The following XPO5 variants were observed in gnomAD, a reference collection of about 807,000 sequenced individuals.
XPO5 encodes the protein exportin-5.
In XPO5, 46 loss-of-function variants were observed where a neutral mutation model predicts 160.6. The ratio of observed to expected loss-of-function variants is 0.29; its 90% CI spans 0.23 to 0.37. XPO5 has a LOEUF of 0.37. Among genes scored for constraint, XPO5 ranks in the 10% least tolerant of loss-of-function variants. The pLI is 1.00. For missense variants in XPO5, 1,090 were observed against 1,463.9 expected (o/e 0.74, Z 4.17); for synonymous variants, 537 against 519.3 (o/e 1.03, Z -0.46).
At chr6:43,559,769 A>T (rs1270331902) in intron 11 of XPO5, among the ~76,000 whole-genome samples, 1 of 152,198 alleles carries the variant, frequency 6.6e-6, no homozygotes, top group Admixed American at 6.5e-5. Flanking sequence ...ATGTCCAGTA[A>T]AGGAATCTTA....
intron 15 of XPO5, chr6:43,551,089 T>C (rs1364647009): frequency 3.4e-4 from 133 of 386,572 alleles, no homozygotes; most frequent in African/African-American, 2.1e-5. Flanking sequence ...TTAAAAATAG[T>C]TACAAAAATA....
At chr6:43,560,094 T>C (rs1394738145) in intron 11 of XPO5, 84 bp downstream of exon 11, 13 of 1,483,860 alleles carry the variant, frequency 8.8e-6, no homozygotes, top group South Asian at 2.6e-5. Context: ...GCTGGGATTA[T>C]AGGCGTGAGC....
In XPO5 at chr6:43,524,964, A is replaced by G; in HGVS notation, c.3179T>C (p.Leu1060Pro). 1.9e-6 allele frequency: 3 copies of G among 1,613,190 alleles called. No individual in the cohort carries two copies. The highest frequency in any genetic ancestry group is 1.7e-6 in the Non-Finnish European group (2 of 1,179,730). ...TGCATCTGCGAGCAGTGTCCCTGAC[A>G]GCACCTGGGGAGACAACTGTGCTTT... ...QLCWPLLKQV[L>P]SGTLLADAVT... The change falls in exon 30 of 32, where the codon CTG becomes CCG. Residue 1060 changes from leucine (L) to proline (P), a missense_variant. By Grantham distance (98) the Leu-to-Pro change is moderately conservative. This residue lies in a region of XPO5 where 810 missense variants were observed against 1,139.0 expected (regional missense o/e 0.71). Transcript: ENST00000265351.
intron 3 of XPO5, 49 bp from the exon 4 acceptor site, chr6:43,571,043 A>C: frequency 6.4e-7 from 1 of 1,562,952 alleles, no homozygotes; most frequent in African/African-American, 1.4e-5. Context: ...TGGATTCCAG[A>C]CTTCCAGAAA....
chr6:43,532,515 C>T (rs924488834), intron 21 of XPO5, among the ~76,000 whole-genome samples: 2 of 152,248 alleles, frequency 1.3e-5, no homozygotes, highest in African/African-American at 4.8e-5. Flanking sequence ...CATTCCCAGA[C>T]TAGCTCCCTG....
Position 43,525,890 on chromosome 6 carries a change from G to T in XPO5, c.3015C>A (p.Pro1005=). 1 of 1,613,994 alleles carries T rather than the reference G, an allele frequency of 6.2e-7. No individual in the cohort carries two copies. ...GGTCTGTAAGCTCTGCCATAGCTGAGGGGGTGACCTCTGTGGCCATCATTT... is the reference window on the plus strand; with the variant it reads ...GGTCTGTAAGCTCTGCCATAGCTGATGGGGTGACCTCTGTGGCCATCATTT... ...DEEMMATEVT[P]SAMAELTDLG... The change falls in exon 28 of 32, where the codon CCC becomes CCA. Residue 1005 remains proline, a synonymous_variant. Coordinates refer to ENST00000265351, the MANE Select transcript of XPO5 (RefSeq NM_020750.3).
rs746907635 is a variant in XPO5, at chr6:43,525,911, C to G, written c.2994G>C (p.Met998Ile). The G allele has an allele frequency of 5.1e-5, 83 of 1,613,984 alleles. No individual in the cohort carries two copies. The highest frequency in any genetic ancestry group is 5.0e-4 in the Middle Eastern group (3 of 6,058). The change falls in exon 28 of 32, where the codon ATG becomes ATC. Residue 998 changes from methionine (M) to isoleucine (I), a missense_variant. By Grantham distance (10) the Met-to-Ile change is conservative (BLOSUM62 1). Coordinates refer to ENST00000265351, the MANE Select transcript of XPO5 (RefSeq NM_020750.3). The part of the protein sequence containing the change: ...APPADGDDEE[M>I]MATEVTPSAM... ...CTGAGGGGGTGACCTCTGTGGCCAT[C>G]ATTTCTTCATCTGTTATCAGAGAGT...
At chr6:43,558,459 T>G (rs775502477) in intron 12 of XPO5, 42 bp downstream of exon 12, 4 of 1,522,398 alleles carry the variant, frequency 2.6e-6, no homozygotes, top group Non-Finnish European at 3.6e-6. Flanking sequence ...CTAGATGCCA[T>G]TCTGAGACTG....
Position 43,570,514 on chromosome 6 carries a change from C to T in XPO5, c.609G>A (p.Lys203=). The part of the protein sequence containing the change: ...LLNTLQENVN[K]YQQVKTDTSQ... ...GGGTATCCCTTACCACTTGCTGATA[C>T]TTGTTTACATTTTCTTGAAGTGTGT... The change falls in exon 5 of 32, where the codon AAG becomes AAA. Residue 203 remains lysine (K), a synonymous_variant. Coordinates refer to ENST00000265351, the MANE Select transcript of XPO5 (RefSeq NM_020750.3). 1 of 1,612,964 alleles carries T rather than the reference C, an allele frequency of 6.2e-7. No individual in the cohort carries two copies. The highest frequency in any genetic ancestry group is 8.5e-7 in the Non-Finnish European group (1 of 1,179,528).
chr6:43,537,040 C>CA (rs1554133609), intron 20 of XPO5, among the ~76,000 whole-genome samples: 1 of 152,102 alleles, frequency 6.6e-6, no homozygotes, highest in Non-Finnish European at 1.5e-5. Context: ...GTTCATAGCT[C>CA]ACTGCAGCCT....
At chr6:43,559,625 AATT>A (rs1423625245) in intron 11 of XPO5, among the ~76,000 whole-genome samples, 1 of 152,208 alleles carries the variant, frequency 6.6e-6, no homozygotes, top group Non-Finnish European at 1.5e-5. Flanking sequence ...CCTGAATAGC[AATT>A]ATTACATTGT....
At chr6:43,529,378 TA>T (rs35493258) in intron 23 of XPO5, 17,017 of 120,748 alleles carry the variant, frequency 0.14, 97 homozygotes, top group South Asian at 0.19. Context: ...CCGTCTCTAC[TA>T]AAAAAAAAAA....
At chr6:43,566,316 C>T (rs1253150435) in intron 7 of XPO5, among the ~76,000 whole-genome samples, 2 of 152,046 alleles carry the variant, frequency 1.3e-5, no homozygotes, top group African/African-American at 4.8e-5. Flanking sequence ...ATTGCTTGAA[C>T]CCGGGAGGCA....
At chr6:43,545,638 C>T (rs368852012) in intron 20 of XPO5, among the ~76,000 whole-genome samples, 10 of 151,960 alleles carry the variant, frequency 6.6e-5, no homozygotes, top group Admixed American at 2.6e-4. Context: ...GCCTGGGAGG[C>T]GGAGGTTGCA....
intron 8 of XPO5, among the ~76,000 whole-genome samples, chr6:43,565,124 G>C (rs1459803598): frequency 6.6e-6 from 1 of 152,034 alleles, no homozygotes; most frequent in Admixed American, 6.5e-5. Context: ...GTTTCACCGT[G>C]TTGGCCAGGC....
At chr6:43,564,775 T>C (rs1343501433) in intron 8 of XPO5, among the ~76,000 whole-genome samples, 1 of 152,052 alleles carries the variant, frequency 6.6e-6, no homozygotes, top group Non-Finnish European at 1.5e-5. Flanking sequence ...GACTAATTTC[T>C]GTATTTTTTT....
At chr6:43,553,583 A>C in intron 13 of XPO5, 80 bp from the exon 14 acceptor site, 1 of 1,499,902 alleles carries the variant, frequency 6.7e-7, no homozygotes, top group Non-Finnish European at 8.9e-7. Context: ...GAAGACACAG[A>C]GAGACAATGG....
At chr6:43,535,128 TA>T (rs1341816617) in intron 20 of XPO5, among the ~76,000 whole-genome samples, 1 of 150,562 alleles carries the variant, frequency 6.6e-6, no homozygotes, top group Admixed American at 6.6e-5. Flanking sequence ...CTGTCTCTAC[TA>T]AAAATACAAA....
chr6:43,562,988 C>T (rs1008723818), intron 8 of XPO5, among the ~76,000 whole-genome samples: 2 of 152,116 alleles, frequency 1.3e-5, no homozygotes, highest in Non-Finnish European at 2.9e-5. Context: ...ACACATGTGC[C>T]TCATACCTTT....
Sources: allele counts gnomAD v4.1 joint callset (sites outside exome capture counted in the v4.1 genomes callset), GRCh38; gene constraint gnomAD v4.1.1; regional missense constraint gnomAD v4.1.1; transcripts MANE v1.5; gene names NCBI Gene and HGNC (gene_info 2026-07-23, HGNC 2026-07-21).